The following PDE4B variants were observed in gnomAD, a reference collection of about 807,000 sequenced individuals.
The protein encoded by PDE4B is phosphodiesterase 4B.
PDE4B carries 20 observed loss-of-function variants against 82.2 expected under a neutral mutation model. The ratio of observed to expected loss-of-function variants is 0.24; its 90% CI spans 0.17 to 0.35. The LOEUF (loss-of-function observed/expected upper bound fraction) is 0.35. Ranked by LOEUF, PDE4B falls within the 10% of genes least tolerant of loss-of-function variation. The pLI, the probability that PDE4B is intolerant of heterozygous loss-of-function variation, is 1.00. For missense variants in PDE4B, 655 were observed against 907.2 expected (o/e 0.72, Z 3.57); for synonymous variants, 320 against 318.9 (o/e 1.00, Z -0.04).
At chr1:65,886,075 C>G (rs1239481995) in intron 1 of PDE4B, among the ~76,000 whole-genome samples, 1 of 150,998 alleles carries the variant, frequency 6.6e-6, no homozygotes, top group Non-Finnish European at 1.5e-5. Flanking sequence ...CATAAAATAT[C>G]TCATCATTTT....
chr1:66,231,773 T>C (rs1469275642), intron 3 of PDE4B, among the ~76,000 whole-genome samples: 1 of 152,248 alleles, frequency 6.6e-6, no homozygotes, highest in Non-Finnish European at 1.5e-5. Flanking sequence ...TAAAGACTTC[T>C]CTATTCACTT....
chr1:65,900,373 A>G (rs1440502511), intron 1 of PDE4B, among the ~76,000 whole-genome samples: 1 of 152,120 alleles, frequency 6.6e-6, no homozygotes, highest in East Asian at 1.9e-4. Context: ...CTTATAGTAT[A>G]GTTTGAAGTC....
intron 7 of PDE4B, among the ~76,000 whole-genome samples, chr1:66,300,083 G>A (rs1485792384): frequency 2.0e-5 from 3 of 152,082 alleles, no homozygotes; most frequent in East Asian, 1.9e-4. Flanking sequence ...TCTGGTGTTC[G>A]TGTTTTTACC....
chr1:66,368,185 T>G (rs1663391329), intron 15 of PDE4B, 120 bp downstream of exon 15: 6 of 911,334 alleles, frequency 6.6e-6, no homozygotes, highest in African/African-American at 1.7e-5. Flanking sequence ...CTCCTATAGC[T>G]TAGGGCTTAT....
At chr1:65,942,246 T>C (rs1648485053) in intron 3 of PDE4B, among the ~76,000 whole-genome samples, 1 of 152,080 alleles carries the variant, frequency 6.6e-6, no homozygotes, top group Admixed American at 6.6e-5. Context: ...TCAATTTTTT[T>C]ACACTCCATA....
At chr1:65,875,710 C>G (rs1257611793) in intron 1 of PDE4B, among the ~76,000 whole-genome samples, 1 of 147,944 alleles carries the variant, frequency 6.8e-6, no homozygotes, top group Non-Finnish European at 1.5e-5. Context: ...AACAAAAAAG[C>G]AAACACCGCA....
chr1:66,036,926 A>G (rs914399155), intron 3 of PDE4B, among the ~76,000 whole-genome samples: 2 of 152,046 alleles, frequency 1.3e-5, no homozygotes, highest in Non-Finnish European at 2.9e-5. Flanking sequence ...TGAAGTCAGG[A>G]GTTTGAGACC....
At chr1:66,336,828 C>T (rs1239412494) in intron 8 of PDE4B, among the ~76,000 whole-genome samples, 3 of 152,188 alleles carry the variant, frequency 2.0e-5, no homozygotes, top group African/African-American at 7.2e-5. Context: ...TCTTCAGGTG[C>T]AGCCATACTA....
At chr1:66,110,913 G>A (rs572006832) in intron 3 of PDE4B, among the ~76,000 whole-genome samples, 23 of 150,926 alleles carry the variant, frequency 1.5e-4, no homozygotes, top group Non-Finnish European at 2.7e-4. Context: ...TTGTAGAAAA[G>A]CTTTGGAAAA....
intron 3 of PDE4B, among the ~76,000 whole-genome samples, chr1:65,960,207 T>C (rs1419099294): frequency 3.9e-5 from 6 of 152,162 alleles, no homozygotes; most frequent in Non-Finnish European, 5.9e-5. Context: ...TGTTTCACTG[T>C]ATCAGTGCAT....
intron 3 of PDE4B, among the ~76,000 whole-genome samples, chr1:66,174,527 G>A (rs1646895974): frequency 6.6e-6 from 1 of 152,102 alleles, no homozygotes. Flanking sequence ...GGAGGCCGAG[G>A]CGGGCGGATC....
At chr1:66,332,864 G>C (rs1253543849) in intron 8 of PDE4B, among the ~76,000 whole-genome samples, 1 of 152,212 alleles carries the variant, frequency 6.6e-6, no homozygotes, top group Admixed American at 6.5e-5. Context: ...TACTGATGCA[G>C]TTTGGAATAG....
At chr1:66,004,869 A>G (rs987059203) in intron 3 of PDE4B, among the ~76,000 whole-genome samples, 3 of 152,012 alleles carry the variant, frequency 2.0e-5, no homozygotes, top group African/African-American at 7.2e-5. Flanking sequence ...TGAGTGGAGA[A>G]GGAGTAGTTC....
At chr1:65,979,604 T>A (rs879367749) in intron 3 of PDE4B, among the ~76,000 whole-genome samples, 6 of 152,202 alleles carry the variant, frequency 3.9e-5, no homozygotes, top group Middle Eastern at 3.2e-3. Context: ...ATTCCACATG[T>A]TTTTTTACAC....
chr1:66,102,703 TCTGCA>T (rs1645251775), intron 3 of PDE4B, among the ~76,000 whole-genome samples: 1 of 152,054 alleles, frequency 6.6e-6, no homozygotes, highest in Non-Finnish European at 1.5e-5. Flanking sequence ...ATATAAGGGA[TCTGCA>T]AGATCCTTTA....
At chr1:65,846,743 T>G (rs1326441017) in intron 1 of PDE4B, among the ~76,000 whole-genome samples, 1 of 152,200 alleles carries the variant, frequency 6.6e-6, no homozygotes, top group Non-Finnish European at 1.5e-5. Context: ...TAGTTAGAGT[T>G]ACTTCATTTA....
At chr1:65,999,370 G>A (rs866907401) in intron 3 of PDE4B, among the ~76,000 whole-genome samples, 42 of 152,140 alleles carry the variant, frequency 2.8e-4, no homozygotes, top group African/African-American at 9.7e-4. Context: ...CTGGCCCCAG[G>A]CTGCTTCCAA....
intron 3 of PDE4B, among the ~76,000 whole-genome samples, chr1:65,974,162 C>T (rs1650288364): frequency 6.8e-6 from 1 of 146,236 alleles, no homozygotes; most frequent in Middle Eastern, 3.4e-3. Flanking sequence ...CACGGTTGCC[C>T]TCTTTTCCAA....
intron 7 of PDE4B, among the ~76,000 whole-genome samples, chr1:66,331,467 AT>A (rs952960984): frequency 6.6e-6 from 1 of 152,232 alleles, no homozygotes; most frequent in African/African-American, 2.4e-5. Context: ...AACCTGAAGT[AT>A]TTGTTTAGAT....
Sources: gnomAD v4.1 joint callset for allele counts (sites outside exome capture counted in the v4.1 genomes callset) on GRCh38, gnomAD v4.1.1 for gene constraint, MANE v1.5 for transcripts, NCBI Gene and HGNC (gene_info 2026-07-23, HGNC 2026-07-21) for gene names.